PIAS2: variants seen among roughly 807,000 people sequenced by gnomAD.
PIAS2 encodes protein inhibitor of activated STAT 2, also known as E3 SUMO-protein ligase PIAS2.
Under a neutral mutation model 69.7 loss-of-function variants are expected in PIAS2, and 19 were observed. The observed-to-expected ratio is 0.27, with a 90% CI of 0.19 to 0.40. PIAS2 has a LOEUF of 0.40. PIAS2 is among the 10% of genes least tolerant of loss of function. The pLI, the probability that PIAS2 is intolerant of heterozygous loss-of-function variation, is 1.00. For synonymous variants in PIAS2, 261 were observed against 263.2 expected, an observed-to-expected ratio of 0.99 and a Z score of 0.08; for missense variants, 624 against 757.0, an observed-to-expected ratio of 0.82 and a Z score of 2.06.
intron 13 of PIAS2, among the ~76,000 whole-genome samples, chr18:46,813,047 T>C (rs1428856744): frequency 6.6e-6 from 1 of 152,184 alleles, no homozygotes; most frequent in Non-Finnish European, 1.5e-5. Context: ...TTTCCCGGTA[T>C]GGATTGAGTA....
At position 46,890,604 on chromosome 18, in the gene PIAS2, C is replaced by T; in HGVS notation, c.475G>A (p.Val159Ile). The T allele has an allele frequency of 6.2e-7, 1 of 1,613,080 alleles. No individual in the cohort carries two copies. The highest frequency in any genetic ancestry group is 8.5e-7 in the Non-Finnish European group (1 of 1,179,188). The change falls in exon 2 of 14, where the codon GTT (valine) becomes ATT (isoleucine). Residue 159 changes from valine to isoleucine, a missense_variant. Val to Ile is a conservative substitution (Grantham distance 29, BLOSUM62 3). Around this residue, in one of 3 missense-constraint regions of PIAS2, gnomAD observed 339 missense variants for 408.8 expected, o/e 0.83. Coordinates refer to ENST00000585916, the MANE Select transcript of PIAS2 (RefSeq NM_004671.5). ...CCTAAACTCGTGGGCTTGATGAGAA[C>T]ATCAAGGACATCATAAAAGGGCAGA... ...KNLPFYDVLD[V>I]LIKPTSLVQS... is the part of the protein sequence containing the mutation.
upstream of PIAS2, chr18:46,917,548 GC>G (rs1475857541): frequency 4.4e-6 from 5 of 1,128,374 alleles, no homozygotes; most frequent in Non-Finnish European, 5.4e-6. Context: ...CCGAAGCCCC[GC>G]CCCTAGCGGT....
chr18:46,887,502 T>A (rs2053404086), intron 2 of PIAS2, among the ~76,000 whole-genome samples: 1 of 152,236 alleles, frequency 6.6e-6, no homozygotes, highest in Admixed American at 6.5e-5. Context: ...TACTTCCCAA[T>A]TTATTTCATA....
intron 1 of PIAS2, chr18:46,893,557 T>A (rs757302668): frequency 2.1e-6 from 1 of 470,226 alleles, no homozygotes; most frequent in Non-Finnish European, 2.8e-6. Context: ...AAACAAAAAG[T>A]AAGAAAGAGA....
upstream of PIAS2, among the ~76,000 whole-genome samples, chr18:46,918,968 G>C (rs776416809): frequency 6.6e-6 from 1 of 150,488 alleles, no homozygotes; most frequent in Non-Finnish European, 1.5e-5. Flanking sequence ...TTGTGTAATT[G>C]TTTATTTGAT....
At chr18:46,876,639 C>T (rs1018711807) in intron 2 of PIAS2, among the ~76,000 whole-genome samples, 7 of 151,934 alleles carry the variant, frequency 4.6e-5, no homozygotes, top group Admixed American at 3.9e-4. Flanking sequence ...ATTACAAGGT[C>T]TTACTGCTTT....
intron 7 of PIAS2, 36 bp from the exon 8 acceptor site, chr18:46,844,163 A>T: frequency 9.2e-7 from 1 of 1,087,248 alleles, no homozygotes; most frequent in Non-Finnish European, 1.3e-6. Context: ...ATTTAAAAAA[A>T]TTAAGGGTGA....
chr18:46,920,000 A>T, upstream of PIAS2: 1 of 1,168,956 alleles, frequency 8.6e-7, no homozygotes, highest in Non-Finnish European at 1.1e-6. Context: ...ACCCATAAAG[A>T]GGACCAACAT....
intron 1 of PIAS2, among the ~76,000 whole-genome samples, chr18:46,913,198 T>G (rs1218514418): frequency 6.6e-6 from 1 of 152,134 alleles, no homozygotes; most frequent in East Asian, 1.9e-4. Flanking sequence ...CCCCATTAAC[T>G]TCCCATTCTC....
In PIAS2 at chr18:46,890,772, A is replaced by T. The variant is rs766429065; in HGVS notation, c.307T>A (p.Ser103Thr). Residue 103 changes from serine to threonine, a missense_variant, in exon 2 of 14, where the codon TCG becomes ACG. By Grantham distance (58) the Ser-to-Thr change is moderately conservative. Transcript: ENST00000585916. ...GGTGTAACTGAAGTGGAAGGCAACG[A>T]GTGGATTCCAGCCACGGCCAAGTCA... ...EPDLAVAGIH[S>T]LPSTSVTPHS... is the part of the protein sequence containing the mutation. 2.4e-5 allele frequency: 39 copies of T among 1,614,092 alleles called. No homozygotes were observed. Among genetic ancestry groups the T allele is most frequent in the Non-Finnish European group, 3.1e-5 (37 of 1,180,032 alleles).
At chr18:46,918,629 T>C (rs1203055206), upstream of PIAS2, among the ~76,000 whole-genome samples, 1 of 152,062 alleles carries the variant, frequency 6.6e-6, no homozygotes, top group Non-Finnish European at 1.5e-5. Flanking sequence ...TCCAAGTTGG[T>C]CAGGCTGGTC....
At chr18:46,907,460 AACT>A (rs1246421351) in intron 1 of PIAS2, 1 of 152,214 alleles carries the variant, frequency 6.6e-6, no homozygotes, top group Non-Finnish European at 1.5e-5. Flanking sequence ...GGAATGAACC[AACT>A]ACAACTACAG....
upstream of PIAS2, chr18:46,919,971 C>T (rs1599265353): frequency 2.3e-6 from 2 of 860,910 alleles, no homozygotes; most frequent in East Asian, 6.2e-5. Context: ...CAATACAGCC[C>T]TGCCACAGAG....
At chr18:46,841,860 T>A (rs1250576681) in intron 8 of PIAS2, among the ~76,000 whole-genome samples, 1 of 152,220 alleles carries the variant, frequency 6.6e-6, no homozygotes, top group African/African-American at 2.4e-5. Context: ...TAAAAATTGG[T>A]AATGTTTGGA....
chr18:46,839,863 C>CAAAA (rs58855520), intron 8 of PIAS2, among the ~76,000 whole-genome samples: 1 of 70,708 alleles, frequency 1.4e-5, no homozygotes. Flanking sequence ...AAAACTCTGT[C>CAAAA]AAAAAAAAAA....
At chr18:46,818,378 C>A in intron 12 of PIAS2, 2 of 1,547,726 alleles carry the variant, frequency 1.3e-6, no homozygotes, top group African/African-American at 1.4e-5. Flanking sequence ...ATTTTGTATT[C>A]ACTGTTGCAC....
chr18:46,917,425 C>G lies in PIAS2; in HGVS notation c.-80G>C. 1 of 1,363,140 alleles carries G rather than the reference C, an allele frequency of 7.3e-7. No homozygotes were observed. Among genetic ancestry groups the G allele is most frequent in the East Asian group, 3.3e-5 (1 of 30,170 alleles). The allele number at this position is 1,363,140 out of a possible 1,614,324, so 84.4% of individuals were successfully genotyped here. The stretch of plus-strand genomic sequence containing the variant: ...GCCAACGACGCTGCCGCCACCACGG[C>G]CGCCGCCGCCTCCAGCACCATCCTG... On this transcript the variant is annotated 5_prime_UTR_variant, in exon 1 of 14. Coordinates refer to ENST00000585916, the MANE Select transcript of PIAS2 (RefSeq NM_004671.5).
intron 1 of PIAS2, among the ~76,000 whole-genome samples, chr18:46,902,105 C>A (rs2055951066): frequency 1.3e-5 from 2 of 152,110 alleles, no homozygotes; most frequent in Admixed American, 6.5e-5. Flanking sequence ...CCAACCACAT[C>A]TTTATACACT....
chr18:46,862,406 A>G (rs571994365), intron 3 of PIAS2, among the ~76,000 whole-genome samples: 1 of 152,288 alleles, frequency 6.6e-6, no homozygotes, highest in East Asian at 1.9e-4. Flanking sequence ...ATTTTTGAAA[A>G]ACTCTTACTA....
Sources: allele counts gnomAD v4.1 joint callset (sites outside exome capture counted in the v4.1 genomes callset), GRCh38; gene constraint gnomAD v4.1.1; regional missense constraint gnomAD v4.1.1; transcripts MANE v1.5; gene names NCBI Gene and HGNC (gene_info 2026-07-23, HGNC 2026-07-21).